Variants in TMEM181 observed in about 807,000 individuals in gnomAD.
TMEM181 encodes transmembrane protein 181.
A neutral mutation model predicts 71.9 loss-of-function variants in TMEM181; 39 were observed. The observed-to-expected ratio is 0.54, with a 90% CI of 0.42 to 0.71. The LOEUF (loss-of-function observed/expected upper bound fraction) is 0.71, where lower values mean the gene tolerates loss of function less well. Among genes scored for constraint, TMEM181 ranks in the 30% least tolerant of loss-of-function variants. TMEM181 has a pLI of 0.00. For missense variants in TMEM181, 595 were observed against 583.0 expected (o/e 1.02, Z -0.21); for synonymous variants, 245 against 228.8 (o/e 1.07, Z -0.64).
intron 2 of TMEM181, among the ~76,000 whole-genome samples, chr6:158,574,287 G>A (rs1783041931): frequency 1.3e-5 from 2 of 152,198 alleles, no homozygotes; most frequent in African/African-American, 4.8e-5. Context: ...CCCAAAACTG[G>A]GTTGGTAAAT....
At chr6:158,580,000 T>C in intron 2 of TMEM181, among the ~76,000 whole-genome samples, 1 of 152,100 alleles carries the variant, frequency 6.6e-6, no homozygotes, top group East Asian at 1.9e-4. Flanking sequence ...TTGCACAGTA[T>C]GAACGTATTT....
chr6:158,621,456 A>G (rs576863615), intron 10 of TMEM181: 2 of 224,852 alleles, frequency 8.9e-6, no homozygotes, highest in Non-Finnish European at 1.0e-5. Context: ...AAGCCACACC[A>G]TCCTCTTCCT....
intron 1 of TMEM181, among the ~76,000 whole-genome samples, chr6:158,545,030 G>T (rs566443992): frequency 1.3e-5 from 2 of 152,344 alleles, no homozygotes; most frequent in South Asian, 4.1e-4. Context: ...TAGGAAGCTG[G>T]CACCTTAGAG....
intron 10 of TMEM181, chr6:158,611,470 C>A: frequency 1.9e-6 from 1 of 533,838 alleles, no homozygotes; most frequent in South Asian, 1.4e-5. Flanking sequence ...TTGGGTTCCT[C>A]AGTCGTATCA....
chr6:158,624,521 C>T (rs1016178381), intron 11 of TMEM181, among the ~76,000 whole-genome samples: 2 of 152,204 alleles, frequency 1.3e-5, no homozygotes, highest in African/African-American at 2.4e-5. Context: ...TCAGAACCCA[C>T]GGGCCTGCCC....
At position 158,573,493 on chromosome 6, in the gene TMEM181, T is replaced by G; in HGVS notation, c.82T>G (p.Phe28Val). The G allele has an allele frequency of 1.2e-6, 2 of 1,608,370 alleles. No homozygotes were observed. Among genetic ancestry groups the G allele is most frequent in the South Asian group, 1.1e-5 (1 of 89,876 alleles). The change falls in exon 2 of 17, where the codon TTT becomes GTT. Residue 28 changes from phenylalanine (F) to valine (V), a missense_variant. Coordinates refer to ENST00000684151, the MANE Select transcript of TMEM181 (RefSeq NM_001376852.1). ...CGTGTTTGTCGTCTTCTTCATCTGC[T>G]TTGGCCTGACCATCTTCGTTGGGAT... ...VLVFVVFFIC[F>V]GLTIFVGIRG... is the part of the protein sequence containing the mutation.
intron 1 of TMEM181, among the ~76,000 whole-genome samples, chr6:158,550,046 A>G (rs560719487): frequency 6.7e-6 from 1 of 150,004 alleles, no homozygotes; most frequent in East Asian, 2.0e-4. Flanking sequence ...CTCCAAAAGC[A>G]TCACTGATCA....
chr6:158,607,140 C>G, intron 7 of TMEM181, 104 bp from the exon 8 acceptor site: 1 of 891,954 alleles, frequency 1.1e-6, no homozygotes, highest in Non-Finnish European at 1.9e-6. Context: ...GGCACCTAGA[C>G]CATTGATTAG....
chr6:158,573,614 C>T, intron 2 of TMEM181, 91 bp downstream of exon 2: 1 of 1,107,336 alleles, frequency 9.0e-7, no homozygotes, highest in Non-Finnish European at 1.3e-6. Flanking sequence ...CCCCTATCTT[C>T]CACTGCTAAG....
intron 4 of TMEM181, 34 bp from the exon 5 acceptor site, chr6:158,585,270 A>G: frequency 1.3e-6 from 2 of 1,556,244 alleles, no homozygotes; most frequent in East Asian, 2.3e-5. Flanking sequence ...TGTGCCTGGC[A>G]TGGTCTCTAA....
At chr6:158,560,017 G>A (rs904694675), upstream of TMEM181, 14 of 983,258 alleles carry the variant, frequency 1.4e-5, no homozygotes, top group Non-Finnish European at 1.7e-5. Context: ...CCGCGGCCCC[G>A]CTTCCACCGC....
At chr6:158,609,702 C>G (rs1194009054) in intron 10 of TMEM181, 1 of 256,228 alleles carries the variant, frequency 3.9e-6, no homozygotes, top group Non-Finnish European at 8.2e-6. Context: ...TGTGCCCTCT[C>G]TGCTTAAAGA....
rs1582985566 is a variant in TMEM181, at chr6:158,584,115, A to G, written c.259+71A>G. 5 of 1,302,538 alleles carry G rather than the reference A, an allele frequency of 3.8e-6. No homozygotes were observed. The East Asian group carries it at 9.4e-5, about 25-fold the overall frequency. The allele number at this position is 1,302,538 out of a possible 1,614,324, so 80.7% of individuals were successfully genotyped here. Reference sequence around the variant, plus strand: ...ACATCGTATTTTAGATGTTGACTTCAGAATATTCAGACAAGCAAGTGCTCA... The same window carrying G: ...ACATCGTATTTTAGATGTTGACTTCGGAATATTCAGACAAGCAAGTGCTCA... On this transcript the variant is annotated intron_variant, in intron 4 of 16. Coordinates refer to ENST00000684151, the MANE Select transcript of TMEM181 (RefSeq NM_001376852.1).
At chr6:158,560,484 C>T (rs1020877624) in intron 1 of TMEM181, among the ~76,000 whole-genome samples, 2 of 152,192 alleles carry the variant, frequency 1.3e-5, no homozygotes, top group Non-Finnish European at 2.9e-5. Context: ...GGGATGCGGT[C>T]GGGGTTCCGG....
At chr6:158,595,737 C>G (rs536553984) in intron 6 of TMEM181, among the ~76,000 whole-genome samples, 2 of 152,030 alleles carry the variant, frequency 1.3e-5, no homozygotes, top group Non-Finnish European at 2.9e-5. Context: ...CAAAATGAAC[C>G]TGTGCTGTTG....
chr6:158,610,382 A>G, intron 10 of TMEM181: 1 of 283,776 alleles, frequency 3.5e-6, no homozygotes, highest in Non-Finnish European at 7.3e-6. Flanking sequence ...GAGGTCAGAG[A>G]TGCAACCCTG....
chr6:158,608,000 A>C (rs1325706592), intron 8 of TMEM181, among the ~76,000 whole-genome samples: 2 of 152,260 alleles, frequency 1.3e-5, no homozygotes, highest in Non-Finnish European at 2.9e-5. Flanking sequence ...AGCTGATGGC[A>C]GTGGCATACG....
chr6:158,567,708 G>A (rs78804438), intron 1 of TMEM181, among the ~76,000 whole-genome samples: 72 of 152,298 alleles, frequency 4.7e-4, no homozygotes, highest in East Asian at 2.9e-3. Flanking sequence ...TTGGATGCGC[G>A]GGTTTCAGTG....
intron 1 of TMEM181, among the ~76,000 whole-genome samples, chr6:158,573,191 C>T (rs1782971530): frequency 6.6e-6 from 1 of 152,130 alleles, no homozygotes; most frequent in South Asian, 2.1e-4. Flanking sequence ...GCTGGTGTGT[C>T]CACGGACCCT....
Sources: allele counts gnomAD v4.1 joint callset (sites outside exome capture counted in the v4.1 genomes callset), GRCh38; gene constraint gnomAD v4.1.1; transcripts MANE v1.5; gene names NCBI Gene and HGNC (gene_info 2026-07-23, HGNC 2026-07-21).